The following SORCS3 variants were observed in gnomAD, a reference collection of about 807,000 sequenced individuals.
SORCS3 encodes the protein VPS10 domain-containing receptor SorCS3.
A neutral mutation model predicts 146.3 loss-of-function variants in SORCS3; 57 were observed. The observed-to-expected ratio is 0.39, with a 90% CI of 0.31 to 0.49. SORCS3 has a LOEUF of 0.49. Among genes scored for constraint, SORCS3 ranks in the 20% least tolerant of loss-of-function variants. The probability of loss-of-function intolerance (pLI) is 0.92; values close to 1 mark genes in which losing one functional copy is unlikely to be tolerated. For synonymous variants in SORCS3, 653 were observed against 618.5 expected, an observed-to-expected ratio of 1.06 and a Z score of -0.83; for missense variants, 1,341 against 1,575.5, an observed-to-expected ratio of 0.85 and a Z score of 2.52.
At chr10:104,881,432 A>C (rs1229653884) in intron 2 of SORCS3, among the ~76,000 whole-genome samples, 1 of 152,230 alleles carries the variant, frequency 6.6e-6, no homozygotes, top group Non-Finnish European at 1.5e-5. Flanking sequence ...ATACTTTTTA[A>C]TCAGAATATT....
At chr10:104,776,026 G>A (rs2017303729) in intron 1 of SORCS3, among the ~76,000 whole-genome samples, 1 of 152,110 alleles carries the variant, frequency 6.6e-6, no homozygotes, top group Non-Finnish European at 1.5e-5. Flanking sequence ...AATGAACCTG[G>A]TATTTGCCTC....
At chr10:105,059,608 G>A (rs933713114) in intron 5 of SORCS3, among the ~76,000 whole-genome samples, 1 of 152,132 alleles carries the variant, frequency 6.6e-6, no homozygotes, top group Admixed American at 6.5e-5. Context: ...TCTCTCTAAG[G>A]TAATAAATTA....
chr10:104,806,137 G>C (rs1428864003), intron 1 of SORCS3, among the ~76,000 whole-genome samples: 1 of 152,212 alleles, frequency 6.6e-6, no homozygotes, highest in Admixed American at 6.5e-5. Flanking sequence ...GAGAGGCCAA[G>C]TGTCCTTCCT....
At position 105,010,726 on chromosome 10, in the gene SORCS3, T is replaced by TG. The variant is rs142535007; in HGVS notation, c.955-32329_955-32328insG. ...TCCATTGGAAGCATAGTTTCTTTTT[T>TG]TTTTTTCTCTCTTTCAGTGGCACTT... is the stretch of plus-strand genomic sequence containing the variant. On this transcript the variant is annotated intron_variant, in intron 4 of 26. Transcript: ENST00000369701. Among the ~76,000 whole-genome samples the TG allele has an allele frequency of 7.4e-3, 1,121 of 152,076 alleles. 9 individuals are homozygous for TG. The highest frequency in any genetic ancestry group is 0.017 in the Middle Eastern group (5 of 294).
intron 20 of SORCS3, among the ~76,000 whole-genome samples, chr10:105,232,123 C>T (rs2056769170): frequency 6.6e-6 from 1 of 152,052 alleles, no homozygotes; most frequent in Non-Finnish European, 1.5e-5. Flanking sequence ...GGCATAATTT[C>T]TCCCTTAAAT....
At chr10:104,742,250 A>G (rs1378426051) in intron 1 of SORCS3, among the ~76,000 whole-genome samples, 4 of 152,142 alleles carry the variant, frequency 2.6e-5, no homozygotes, top group Non-Finnish European at 4.4e-5. Context: ...GAAGTTTCCC[A>G]GAAAATTGTT....
At chr10:104,978,222 C>T (rs73351617) in intron 4 of SORCS3, among the ~76,000 whole-genome samples, 214 of 152,178 alleles carry the variant, frequency 1.4e-3, no homozygotes, top group African/African-American at 5.0e-3. Flanking sequence ...GATTCCACCT[C>T]GAGGCATATT....
chr10:104,909,287 G>A (rs556550575), intron 2 of SORCS3, among the ~76,000 whole-genome samples: 2 of 152,274 alleles, frequency 1.3e-5, no homozygotes, highest in African/African-American at 4.8e-5. Flanking sequence ...ACTTTAAATG[G>A]CCGGAAAGGG....
At chr10:104,839,447 A>C (rs2018112248) in intron 1 of SORCS3, among the ~76,000 whole-genome samples, 1 of 152,210 alleles carries the variant, frequency 6.6e-6, no homozygotes, top group African/African-American at 2.4e-5. Context: ...GCATGAAAGA[A>C]AGCAGAGATG....
chr10:104,654,680 A>G (rs546299520), intron 1 of SORCS3, among the ~76,000 whole-genome samples: 31 of 152,326 alleles, frequency 2.0e-4, no homozygotes, highest in Middle Eastern at 3.4e-3. Flanking sequence ...TTTGGGAAGT[A>G]CTTAGGTTAC....
At chr10:105,204,795 C>G (rs1317131137) in intron 16 of SORCS3, among the ~76,000 whole-genome samples, 1 of 151,764 alleles carries the variant, frequency 6.6e-6, no homozygotes, top group Non-Finnish European at 1.5e-5. Flanking sequence ...GAATTATTTA[C>G]AGTGATTTTT....
chr10:105,084,378 CA>C (rs1339252615), intron 5 of SORCS3, among the ~76,000 whole-genome samples: 3 of 152,194 alleles, frequency 2.0e-5, no homozygotes, highest in Non-Finnish European at 4.4e-5. Flanking sequence ...AACATTTCCA[CA>C]AGTTTAACCC....
intron 3 of SORCS3, among the ~76,000 whole-genome samples, chr10:104,961,528 G>T (rs924486179): frequency 6.6e-6 from 1 of 152,102 alleles, no homozygotes; most frequent in Admixed American, 6.6e-5. Flanking sequence ...CCTGGTGTTA[G>T]ATTTGCTTTT....
At chr10:105,170,114 T>A (rs932023884) in intron 13 of SORCS3, among the ~76,000 whole-genome samples, 1 of 152,156 alleles carries the variant, frequency 6.6e-6, no homozygotes, top group Admixed American at 6.6e-5. Context: ...AAGAGCATAT[T>A]TGACATGGCA....
chr10:104,840,985 G>A (rs769299297), intron 1 of SORCS3, among the ~76,000 whole-genome samples: 11 of 152,116 alleles, frequency 7.2e-5, no homozygotes, highest in Non-Finnish European at 1.5e-5. Context: ...GCTTTTACAC[G>A]GTGACTTTAA....
chr10:104,903,023 T>C (rs983588236), intron 2 of SORCS3, among the ~76,000 whole-genome samples: 2 of 152,198 alleles, frequency 1.3e-5, no homozygotes, highest in African/African-American at 4.8e-5. Flanking sequence ...AAGCAGATGC[T>C]CAATTACCAT....
rs774761584 is a variant in SORCS3, at chr10:105,089,830, A to G, written c.1084A>G (p.Thr362Ala). The G allele has an allele frequency of 1.2e-6, 2 of 1,613,852 alleles. No homozygotes were observed. Among genetic ancestry groups the G allele is most frequent in the Non-Finnish European group, 1.7e-6 (2 of 1,179,848 alleles). The change falls in exon 6 of 27, where the codon ACG (threonine) becomes GCG (alanine). Residue 362 changes from threonine to alanine, a missense_variant. By Grantham distance (58) the Thr-to-Ala change is moderately conservative. Coordinates refer to ENST00000369701, the MANE Select transcript of SORCS3 (RefSeq NM_014978.3). ...ADLVHMEVRT[T>A]DGYAHYLTCR... ...CCTGGTGCACATGGAGGTGCGGACCACGGATGGATGTGAGTTCTGCTACAG... is the reference window on the plus strand; with the variant it reads ...CCTGGTGCACATGGAGGTGCGGACCGCGGATGGATGTGAGTTCTGCTACAG...
chr10:105,183,058 G>C (rs2056452651), intron 14 of SORCS3, among the ~76,000 whole-genome samples: 1 of 152,182 alleles, frequency 6.6e-6, no homozygotes, highest in African/African-American at 2.4e-5. Flanking sequence ...ATTGAAGACA[G>C]AGTGGCTGTA....
At chr10:104,879,520 C>T (rs2018610470) in intron 2 of SORCS3, among the ~76,000 whole-genome samples, 1 of 152,150 alleles carries the variant, frequency 6.6e-6, no homozygotes, top group African/African-American at 2.4e-5. Flanking sequence ...ATGCTAAGTC[C>T]CTTTTGCAAG....
Sources: gnomAD v4.1 joint callset for allele counts (sites outside exome capture counted in the v4.1 genomes callset) on GRCh38, gnomAD v4.1.1 for gene constraint, MANE v1.5 for transcripts, NCBI Gene and HGNC (gene_info 2026-07-23, HGNC 2026-07-21) for gene names.